Variants in TRAPPC11 observed in about 807,000 individuals in gnomAD.
TRAPPC11 encodes trafficking protein particle complex subunit 11.
A neutral mutation model predicts 151.2 loss-of-function variants in TRAPPC11; 104 were observed. That is an observed-to-expected ratio of 0.69 (90% confidence interval 0.59 to 0.81). The LOEUF is 0.81. TRAPPC11 is among the 30% of genes least tolerant of loss of function. The pLI is 0.00. For missense variants in TRAPPC11, 1,230 were observed against 1,349.6 expected (o/e 0.91, Z 1.39); for synonymous variants, 456 against 472.3 (o/e 0.97, Z 0.45).
chr4:183,710,436 G>C (rs1737286146), intron 29 of TRAPPC11, among the ~76,000 whole-genome samples: 1 of 151,826 alleles, frequency 6.6e-6, no homozygotes, highest in Admixed American at 6.6e-5. Flanking sequence ...ACAAGCGCCT[G>C]CCACCACGCC....
In TRAPPC11 at chr4:183,666,536, G is replaced by A. The variant is rs949266052; in HGVS notation, c.374+110G>A. The A allele has an allele frequency of 6.4e-6, 7 of 1,090,812 alleles. No individual in the cohort carries two copies. In the South Asian group the frequency reaches 8.8e-5, roughly 14 times the overall value. The allele number at this position is 1,090,812 out of a possible 1,614,324, so 67.6% of individuals were successfully genotyped here. ...TTCAGACTGCAGTGGTCACTTTGCG[G>A]ATTGACCTCCAGTGAATCTTGTTCA... is the stretch of plus-strand genomic sequence containing the variant. On this transcript the variant is annotated intron_variant, in intron 3 of 29. Coordinates refer to ENST00000334690, the MANE Select transcript of TRAPPC11 (RefSeq NM_021942.6).
At chr4:183,689,978 G>A (rs981978817) in intron 18 of TRAPPC11, among the ~76,000 whole-genome samples, 3 of 152,092 alleles carry the variant, frequency 2.0e-5, no homozygotes, top group Admixed American at 1.3e-4. Flanking sequence ...CAAGGTGGGC[G>A]GATCACTGGA....
At chr4:183,687,426 A>G (rs1160533203) in intron 18 of TRAPPC11, among the ~76,000 whole-genome samples, 1 of 151,852 alleles carries the variant, frequency 6.6e-6, no homozygotes, top group Non-Finnish European at 1.5e-5. Flanking sequence ...TGTAGCCTCA[A>G]CCTTTTGGAC....
chr4:183,672,972 T>C (rs1045813713), intron 5 of TRAPPC11, among the ~76,000 whole-genome samples: 2 of 150,596 alleles, frequency 1.3e-5, no homozygotes, highest in Non-Finnish European at 3.0e-5. Flanking sequence ...TTTTTTTTTT[T>C]TTTTTTTTGA....
rs1327583313 is a variant in TRAPPC11 at position 183,705,014 on chromosome 4, C to T, written c.2999C>T (p.Thr1000Ile). The change falls in exon 27 of 30, where the codon ACT becomes ATT. Residue 1000 changes from threonine (T) to isoleucine (I), a missense_variant. Thr to Ile is a moderately conservative substitution (Grantham distance 89). Coordinates refer to ENST00000334690, the MANE Select transcript of TRAPPC11 (RefSeq NM_021942.6). Reference sequence around the variant, plus strand: ...ATGGAGAATATCCCCATCATCACAACTGTCATCACTCTGCCGCACGTGATT... The same window carrying T: ...ATGGAGAATATCCCCATCATCACAATTGTCATCACTCTGCCGCACGTGATT... ...SAMENIPIIT[T>I]VITLPHVIVE... 1.2e-6 allele frequency: 2 copies of T among 1,601,914 alleles called. No individual in the cohort carries two copies. The highest frequency in any genetic ancestry group is 1.7e-6 in the Non-Finnish European group (2 of 1,171,456).
rs1452648214 is a variant in TRAPPC11, at chr4:183,708,549, T to C, written c.3332T>C (p.Phe1111Ser). ...PNFTNQLLRRFIPTSIFVKPQ... is the reference protein window; with the variant it reads ...PNFTNQLLRRSIPTSIFVKPQ... The stretch of plus-strand genomic sequence containing the variant: ...TTCACAAATCAGCTGCTCAGGCGTT[T>C]TATACCTACCAGTATTTTTGTCAAG... Residue 1111 changes from phenylalanine to serine, a missense_variant, in exon 29 of 30, where the codon TTT becomes TCT. Coordinates refer to ENST00000334690, the MANE Select transcript of TRAPPC11 (RefSeq NM_021942.6). 1 of 1,613,952 alleles carries C rather than the reference T, an allele frequency of 6.2e-7. No homozygotes were observed. The highest frequency in any genetic ancestry group is 8.5e-7 in the Non-Finnish European group (1 of 1,179,994).
rs780121865 is a variant in TRAPPC11 at position 183,682,824 on chromosome 4, A to G, written c.1206A>G (p.Leu402=). Residue 402 remains leucine, a splice_region_variant and synonymous_variant, in exon 11 of 30, where the codon CTA becomes CTG. Coordinates refer to ENST00000334690, the MANE Select transcript of TRAPPC11 (RefSeq NM_021942.6). ...YGQRSWRQGI[L]SFDLSDPEKE... ...AAAGATCATGGCGACAAGGAATACT[A>G]AGTAAATAATTTTTCCCTCTGTCCT... is the stretch of plus-strand genomic sequence containing the variant. 1.9e-6 allele frequency: 3 copies of G among 1,607,892 alleles called. No homozygotes were observed. The highest frequency in any genetic ancestry group is 2.6e-6 in the Non-Finnish European group (3 of 1,174,618).
intron 23 of TRAPPC11, among the ~76,000 whole-genome samples, chr4:183,696,030 G>T (rs777011780): frequency 3.3e-5 from 5 of 152,048 alleles, no homozygotes; most frequent in Admixed American, 3.3e-4. Context: ...AATCCAAAAC[G>T]TTCCAAAATC....
In TRAPPC11 at chr4:183,684,688, T is replaced by C; in HGVS notation, c.1422-8T>C. ...GCCGGTTCAGTATTACATTTTGTCT[T>C]CTTTGAGGTTGCTGGATTATGTGAT... On this transcript the variant is annotated splice_polypyrimidine_tract_variant and splice_region_variant and intron_variant, in intron 14 of 29. Transcript: ENST00000334690. The C allele has an allele frequency of 2.5e-6, 4 of 1,613,726 alleles. No individual in the cohort carries two copies. Among genetic ancestry groups the C allele is most frequent in the Non-Finnish European group, 3.4e-6 (4 of 1,179,806 alleles).
chr4:183,677,577 C>T, intron 8 of TRAPPC11, 23 bp downstream of exon 8: 3 of 1,233,096 alleles, frequency 2.4e-6, no homozygotes, highest in Non-Finnish European at 2.4e-6. Flanking sequence ...CTTCCAAATA[C>T]AGGGAATTTG....
At chr4:183,694,805 G>A in intron 23 of TRAPPC11, 82 bp downstream of exon 23, 2 of 1,037,840 alleles carry the variant, frequency 1.9e-6, no homozygotes, top group Non-Finnish European at 2.7e-6. Flanking sequence ...TATAAAATAA[G>A]CATAAAATAA....
In TRAPPC11 at chr4:183,711,878, C is replaced by A. The variant is rs142276104; in HGVS notation, c.3358-722C>A. Among the ~76,000 whole-genome samples the A allele has an allele frequency of 4.8e-3, 737 of 152,262 alleles. 24 individuals carry two copies. The highest frequency in any genetic ancestry group is 0.044 in the Admixed American group (673 of 15,290). On this transcript the variant is annotated intron_variant, in intron 29 of 29. Transcript: ENST00000334690. ...TAAAATTATTTGTAAGAATTGTATTCTTTTAGCTACTAGCTATCCCTCTGG... is the reference window on the plus strand; with the variant it reads ...TAAAATTATTTGTAAGAATTGTATTATTTTAGCTACTAGCTATCCCTCTGG...
rs36125309 is a variant in TRAPPC11, at chr4:183,693,450, C to T, written c.2238-139C>T. 0.093 allele frequency: 83,696 copies of T among 904,618 alleles called. 4,314 individuals carry two copies. The highest frequency in any genetic ancestry group is 0.099 in the Non-Finnish European group (60,877 of 613,954). The allele number at this position is 904,618 out of a possible 1,614,324, so 56.0% of individuals were successfully genotyped here. A position where few individuals can be genotyped will look rare whatever the true frequency, so the allele number is the denominator to read the frequency against. ...CAAACTCCTGGGCTCAAGCGATCCTCCTGCCTCAGTCTCCCAAAATGCTGG... is the reference window on the plus strand; with the variant it reads ...CAAACTCCTGGGCTCAAGCGATCCTTCTGCCTCAGTCTCCCAAAATGCTGG... On this transcript the variant is annotated intron_variant, in intron 20 of 29. Transcript: ENST00000334690.
chr4:183,684,400 T>C (rs1253546437), intron 14 of TRAPPC11, 41 bp downstream of exon 14: 3 of 1,544,946 alleles, frequency 1.9e-6, no homozygotes, highest in Non-Finnish European at 2.7e-6. Context: ...GTATTTGGAT[T>C]ATCTGAAGTG....
intron 27 of TRAPPC11, among the ~76,000 whole-genome samples, chr4:183,706,423 T>C (rs543806409): frequency 2.6e-5 from 4 of 151,174 alleles, no homozygotes; most frequent in Admixed American, 2.6e-4. Context: ...CTTGGGAGGC[T>C]GAAGCAGGAC....
chr4:183,691,292 A>G (rs777785107), intron 18 of TRAPPC11, 24 bp from the exon 19 acceptor site: 2 of 1,441,158 alleles, frequency 1.4e-6, no homozygotes, highest in South Asian at 1.7e-5. Flanking sequence ...CTGACATTTG[A>G]TGACCCCTGT....
At chr4:183,662,378 T>G (rs997584479) in intron 1 of TRAPPC11, among the ~76,000 whole-genome samples, 1 of 141,818 alleles carries the variant, frequency 7.1e-6, no homozygotes, top group Non-Finnish European at 1.5e-5. Flanking sequence ...AAAAAGAACC[T>G]CATGTTGTTA....
intron 28 of TRAPPC11, among the ~76,000 whole-genome samples, chr4:183,707,145 GTTC>G (rs1258562743): frequency 6.6e-6 from 1 of 152,090 alleles, no homozygotes; most frequent in East Asian, 1.9e-4. Context: ...AGACACGTGG[GTTC>G]TTCTTATAAA....
intron 29 of TRAPPC11, among the ~76,000 whole-genome samples, chr4:183,711,266 A>C (rs919454902): frequency 2.0e-5 from 3 of 152,170 alleles, no homozygotes; most frequent in African/African-American, 7.2e-5. Context: ...ACATGTGACT[A>C]TTGAGATTCA....
Sources: gnomAD v4.1 joint callset for allele counts (sites outside exome capture counted in the v4.1 genomes callset) on GRCh38, gnomAD v4.1.1 for gene constraint, MANE v1.5 for transcripts, NCBI Gene and HGNC (gene_info 2026-07-23, HGNC 2026-07-21) for gene names.